DIAPH3: variants seen among roughly 807,000 people sequenced by gnomAD.
DIAPH3 encodes diaphanous related formin 3, also known as protein diaphanous homolog 3.
In DIAPH3, 117 loss-of-function variants were observed where a neutral mutation model predicts 144.3. That is an observed-to-expected ratio of 0.81 (90% CI 0.70 to 0.95). DIAPH3 has a LOEUF of 0.95. Among genes scored for constraint, DIAPH3 ranks in the 40% least tolerant of loss-of-function variants. The pLI is 0.00. For missense variants in DIAPH3, 1,421 were observed against 1,412.7 expected (o/e 1.01, Z -0.09); for synonymous variants, 519 against 488.9 (o/e 1.06, Z -0.81).
intron 1 of DIAPH3, among the ~76,000 whole-genome samples, chr13:60,139,299 C>A (rs1260144789): frequency 6.6e-6 from 1 of 152,082 alleles, no homozygotes; most frequent in Non-Finnish European, 1.5e-5. Context: ...CATGTTTTTT[C>A]AGTCCAAGGT....
intron 27 of DIAPH3, among the ~76,000 whole-genome samples, chr13:59,757,099 G>A (rs1235355620): frequency 6.6e-6 from 1 of 152,014 alleles, no homozygotes; most frequent in East Asian, 1.9e-4. Context: ...CACAGCTAAA[G>A]AAAAATGCAA....
rs551097203 is a variant in DIAPH3 at position 59,933,996 on chromosome 13, A to G, written c.2075-9126T>C. ...TTTCCATTATGTACTAATCAGATTG[A>G]TTAAAAATATAGCTTTTTAGGAGTA... is the stretch of plus-strand genomic sequence containing the variant. On this transcript the variant is annotated intron_variant, in intron 17 of 27. Transcript: ENST00000400324. Among the ~76,000 whole-genome samples the G allele has an allele frequency of 2.6e-5, 4 of 152,310 alleles. No homozygotes were observed. In the South Asian group the frequency reaches 8.3e-4, roughly 32 times the overall value.
intron 4 of DIAPH3, among the ~76,000 whole-genome samples, chr13:60,076,503 A>G (rs1188822933): frequency 2.0e-5 from 3 of 152,320 alleles, no homozygotes; most frequent in East Asian, 1.9e-4. Flanking sequence ...AAACGTTGAC[A>G]TAACAGGAAA....
intron 25 of DIAPH3, among the ~76,000 whole-genome samples, chr13:59,785,826 C>A (rs341563): frequency 0.62 from 94,216 of 151,948 alleles, 29,597 homozygotes; most frequent in East Asian, 0.7. Flanking sequence ...TATTTCTAGA[C>A]ATAAAAGATG....
At chr13:59,681,132 A>T (rs969628639) in intron 27 of DIAPH3, among the ~76,000 whole-genome samples, 3 of 152,130 alleles carry the variant, frequency 2.0e-5, no homozygotes, top group Non-Finnish European at 4.4e-5. Context: ...TTGTCTTTCC[A>T]ATGAGGTTTA....
chr13:59,699,700 T>TGAC (rs1171316201), intron 27 of DIAPH3, among the ~76,000 whole-genome samples: 1 of 152,230 alleles, frequency 6.6e-6, no homozygotes, highest in Non-Finnish European at 1.5e-5. Context: ...GTCCATGCAG[T>TGAC]GACCTCCTAT....
At chr13:60,028,783 G>A (rs953233364) in intron 5 of DIAPH3, among the ~76,000 whole-genome samples, 19 of 152,002 alleles carry the variant, frequency 1.2e-4, no homozygotes, top group Non-Finnish European at 2.4e-4. Context: ...ATTTTTGGCC[G>A]GGCACGGTGC....
At chr13:59,836,917 C>T (rs767621357) in intron 23 of DIAPH3, among the ~76,000 whole-genome samples, 1 of 151,878 alleles carries the variant, frequency 6.6e-6, no homozygotes, top group East Asian at 1.9e-4. Context: ...TTTTTAACAT[C>T]TAAGAAGCTC....
At chr13:59,736,510 C>T (rs1326104570) in intron 27 of DIAPH3, among the ~76,000 whole-genome samples, 4 of 152,062 alleles carry the variant, frequency 2.6e-5, no homozygotes, top group East Asian at 1.9e-4. Flanking sequence ...ACCTCACTGT[C>T]GTTTTGAGAC....
intron 27 of DIAPH3, among the ~76,000 whole-genome samples, chr13:59,701,479 T>C (rs965325500): frequency 7.9e-5 from 12 of 152,182 alleles, no homozygotes; most frequent in African/African-American, 2.7e-4. Flanking sequence ...CAGTTTGAGG[T>C]CAGAGGCCAA....
chr13:60,147,927 G>A (rs534141614), intron 1 of DIAPH3, among the ~76,000 whole-genome samples: 4 of 114,630 alleles, frequency 3.5e-5, no homozygotes, highest in African/African-American at 1.3e-4. Flanking sequence ...GAGAGCCAAG[G>A]AAATCAGTTA....
Position 59,933,106 on chromosome 13 carries a change from G to A in DIAPH3, c.2075-8236C>T, listed in dbSNP as rs141676111. Among the ~76,000 whole-genome samples the A allele has an allele frequency of 3.5e-3, 537 of 152,292 alleles. 4 individuals are homozygous for A. The highest frequency in any genetic ancestry group is 0.013 in the African/African-American group (521 of 41,552). On this transcript the variant is annotated intron_variant, in intron 17 of 27. Coordinates refer to ENST00000400324, the MANE Select transcript of DIAPH3 (RefSeq NM_001042517.2). ...GAGAATAAAGGAGGACATTTAGTGAGAATGAAGTTTTTGTACAAAATACTA... is the reference window on the plus strand; with the variant it reads ...GAGAATAAAGGAGGACATTTAGTGAAAATGAAGTTTTTGTACAAAATACTA...
intron 24 of DIAPH3, among the ~76,000 whole-genome samples, chr13:59,814,576 G>A (rs2040664630): frequency 6.6e-6 from 1 of 152,134 alleles, no homozygotes; most frequent in Non-Finnish European, 1.5e-5. Context: ...ATAATTAAAT[G>A]AGAACAACAT....
chr13:59,883,435 GATTT>G (rs759128211), intron 20 of DIAPH3, among the ~76,000 whole-genome samples: 3 of 151,896 alleles, frequency 2.0e-5, no homozygotes, highest in Admixed American at 6.6e-5. Context: ...ACCTCAGAAG[GATTT>G]ATTTTTTATT....
chr13:59,691,526 G>A (rs1317602449), intron 27 of DIAPH3, among the ~76,000 whole-genome samples: 1 of 152,032 alleles, frequency 6.6e-6, no homozygotes, highest in Non-Finnish European at 1.5e-5. Flanking sequence ...CTTTATATCA[G>A]CAAAATTATA....
At chr13:60,156,924 T>C (rs1374349710) in intron 1 of DIAPH3, among the ~76,000 whole-genome samples, 1 of 48,274 alleles carries the variant, frequency 2.1e-5, no homozygotes, top group Non-Finnish European at 4.2e-5. Flanking sequence ...CCTTCATATA[T>C]ATATATATAT....
intron 27 of DIAPH3, among the ~76,000 whole-genome samples, chr13:59,690,854 G>A (rs1412134716): frequency 3.3e-5 from 5 of 152,150 alleles, no homozygotes; most frequent in Non-Finnish European, 7.4e-5. Context: ...CTTAGGCCTT[G>A]AGGCACTCAT....
chr13:59,890,788 T>C (rs1454976427), intron 20 of DIAPH3, among the ~76,000 whole-genome samples: 1 of 152,024 alleles, frequency 6.6e-6, no homozygotes, highest in African/African-American at 2.4e-5. Flanking sequence ...TATGGGGAGC[T>C]GTTTCGAGGC....
chr13:59,726,951 A>G (rs1216366801), intron 27 of DIAPH3, among the ~76,000 whole-genome samples: 2 of 152,212 alleles, frequency 1.3e-5, no homozygotes, highest in African/African-American at 4.8e-5. Flanking sequence ...ATACTCATCT[A>G]TAAAGCCTTT....
Sources: allele counts gnomAD v4.1 joint callset (sites outside exome capture counted in the v4.1 genomes callset), GRCh38; gene constraint gnomAD v4.1.1; transcripts MANE v1.5; gene names NCBI Gene and HGNC (gene_info 2026-07-23, HGNC 2026-07-21).